Variants in FBXW4 observed in about 807,000 individuals in gnomAD.
FBXW4 encodes the protein F-box/WD repeat-containing protein 4.
A neutral mutation model predicts 61.8 loss-of-function variants in FBXW4; 40 were observed. The observed-to-expected ratio is 0.65, with a 90% CI of 0.50 to 0.84. The LOEUF is 0.84. Ranked by LOEUF, FBXW4 falls within the 40% of genes least tolerant of loss-of-function variation. The pLI is 0.00. For synonymous variants in FBXW4, 311 were observed against 313.8 expected, an observed-to-expected ratio of 0.99 and a Z score of 0.10; for missense variants, 672 against 753.8, an observed-to-expected ratio of 0.89 and a Z score of 1.27.
chr10:101,643,990 A>G (rs2064075554), intron 5 of FBXW4, among the ~76,000 whole-genome samples: 1 of 152,222 alleles, frequency 6.6e-6, no homozygotes. Flanking sequence ...CTGAAGTTTA[A>G]CAGGGGCTTT....
chr10:101,676,425 A>G lies in FBXW4; in HGVS notation c.737T>C (p.Val246Ala). 6.2e-7 allele frequency: 1 copy of G among 1,613,270 alleles called. No individual in the cohort carries two copies. Among genetic ancestry groups the G allele is most frequent in the South Asian group, 1.1e-5 (1 of 90,922 alleles). Residue 246 changes from valine to alanine, a missense_variant, in exon 2 of 9, where the codon GTC becomes GCC. By Grantham distance (64) the Val-to-Ala change is moderately conservative. Around this residue, in one of 5 missense-constraint regions of FBXW4, gnomAD observed 311 missense variants for 301.1 expected, o/e 1.03. Coordinates refer to ENST00000331272, the MANE Select transcript of FBXW4 (RefSeq NM_022039.4). ...CACCTTCACTCGTTCCTTCACTGGG[A>G]CACTGGTCATCCTATGTCCAGACAG... is the stretch of plus-strand genomic sequence containing the variant. ...TRLGTDLMTS[V>A]PVKERVKVSQ...
At chr10:101,658,493 C>T (rs1211728118) in intron 5 of FBXW4, among the ~76,000 whole-genome samples, 3 of 152,044 alleles carry the variant, frequency 2.0e-5, no homozygotes, top group Admixed American at 6.5e-5. Context: ...TGCAGTGAGC[C>T]GAGATCGCGC....
In FBXW4 at chr10:101,646,986, G is replaced by A. The variant is rs551227017; in HGVS notation, c.1235+20900C>T. Among the ~76,000 whole-genome samples the A allele has an allele frequency of 6.6e-5, 10 of 152,244 alleles. No individual in the cohort carries two copies. The East Asian group carries it at 1.9e-3, about 29-fold the overall frequency. On this transcript the variant is annotated intron_variant, in intron 5 of 8. Coordinates refer to ENST00000331272, the MANE Select transcript of FBXW4 (RefSeq NM_022039.4). The stretch of plus-strand genomic sequence containing the variant: ...TCGCCTGGCGGGGTGGGTGGTGGTG[G>A]TTAGGAATGGGGTGCAAGCATGGCT...
At position 101,611,581 on chromosome 10, in the gene FBXW4, AATC is replaced by A; in HGVS notation, c.1584+44_1584+46del. ...TCACCCTCTCCCAAATGCAGCCCAT[AATC>A]ATGAGTCCTGGCATGCTGGAGAAGA... On this transcript the variant is annotated intron_variant, in intron 8 of 8. Coordinates refer to ENST00000331272, the MANE Select transcript of FBXW4 (RefSeq NM_022039.4). This position sits in a 1 kb window ranked among gnomAD's most constrained non-coding sequence, Gnocchi z 4.9. The A allele has an allele frequency of 6.2e-7, 1 of 1,605,830 alleles. No homozygotes were observed. The highest frequency in any genetic ancestry group is 1.1e-5 in the South Asian group (1 of 90,464).
intron 4 of FBXW4, among the ~76,000 whole-genome samples, chr10:101,669,348 A>T (rs565931004): frequency 1.3e-5 from 2 of 152,320 alleles, no homozygotes; most frequent in African/African-American, 4.8e-5. Context: ...AGCCCAGCTA[A>T]AAAGACAGCT....
Position 101,694,454 on chromosome 10 carries a change from T to C in FBXW4, c.652A>G (p.Ser218Gly), listed in dbSNP as rs1341402253. 2 of 1,535,702 alleles carry C rather than the reference T, an allele frequency of 1.3e-6. No individual in the cohort carries two copies. The highest frequency in any genetic ancestry group is 1.7e-6 in the Non-Finnish European group (2 of 1,153,032). The change falls in exon 1 of 9, where the codon AGC becomes GGC. Residue 218 changes from serine (S) to glycine (G), a missense_variant. Transcript: ENST00000331272. This position sits in a 1 kb window ranked among gnomAD's most constrained non-coding sequence, Gnocchi z 6.0. ...QVCRWLRRFT[S>G]CDLLWRRIAR... Reference sequence around the variant, plus strand: ...ATCCGGCGCCAGAGCAGATCGCAGCTGGTGAAGCGCCGCAGCCAGCGGCAC... The same window carrying C: ...ATCCGGCGCCAGAGCAGATCGCAGCCGGTGAAGCGCCGCAGCCAGCGGCAC...
At chr10:101,644,071 G>C (rs2064076626) in intron 5 of FBXW4, among the ~76,000 whole-genome samples, 1 of 152,184 alleles carries the variant, frequency 6.6e-6, no homozygotes, top group African/African-American at 2.4e-5. Context: ...GGGGGCCTTT[G>C]TTCCCCCTAA....
rs1202724413 is a variant in FBXW4 at position 101,694,219 on chromosome 10, T to C, written c.725+162A>G. Among the ~76,000 whole-genome samples the C allele has an allele frequency of 2.7e-5, 4 of 150,662 alleles. No homozygotes were observed. The highest frequency in any genetic ancestry group is 4.4e-5 in the Non-Finnish European group (3 of 67,638). On this transcript the variant is annotated intron_variant, in intron 1 of 8. Coordinates refer to ENST00000331272, the MANE Select transcript of FBXW4 (RefSeq NM_022039.4). This position sits in a 1 kb window ranked among gnomAD's most constrained non-coding sequence, Gnocchi z 6.0. ...GCCTTGGGGAGGAGGGGCAAAGGGGTCCCCGAGAGTGCTCGGGAAAGGGTG... is the reference window on the plus strand; with the variant it reads ...GCCTTGGGGAGGAGGGGCAAAGGGGCCCCCGAGAGTGCTCGGGAAAGGGTG...
intron 5 of FBXW4, among the ~76,000 whole-genome samples, chr10:101,643,443 A>C (rs2064070735): frequency 6.6e-6 from 1 of 152,238 alleles, no homozygotes; most frequent in South Asian, 2.1e-4. Context: ...TCCTTTGCTG[A>C]GAAGGCACAC....
At chr10:101,667,846 T>C (rs1386852495) in intron 5 of FBXW4, 40 bp downstream of exon 5, 1 of 1,538,430 alleles carries the variant, frequency 6.5e-7, no homozygotes, top group African/African-American at 1.4e-5. Flanking sequence ...AAAAGCATTA[T>C]TATACAGGAC....
intron 3 of FBXW4, 35 bp downstream of exon 3, chr10:101,673,452 TG>T (rs1452654998): frequency 9.3e-6 from 15 of 1,609,954 alleles, no homozygotes; most frequent in African/African-American, 8.0e-5. Context: ...AAGTATAAGA[TG>T]GAAAAGGGTG....
Position 101,610,995 on chromosome 10 carries a change from G to A in FBXW4, c.*296C>T. 2 of 271,616 alleles carry A rather than the reference G, an allele frequency of 7.4e-6. No homozygotes were observed. The highest frequency in any genetic ancestry group is 1.1e-4 in the South Asian group (2 of 18,718). 16.8% of individuals were successfully genotyped at this position (271,616 alleles called of 1,614,324 possible). ...TGGCTCTAATAAGGGGTATAGGATGGGCCTCTCCAGGCCAGATCCTTGCTC... is the reference window on the plus strand; with the variant it reads ...TGGCTCTAATAAGGGGTATAGGATGAGCCTCTCCAGGCCAGATCCTTGCTC... On this transcript the variant is annotated 3_prime_UTR_variant, in exon 9 of 9. Transcript: ENST00000331272.
intron 1 of FBXW4, among the ~76,000 whole-genome samples, chr10:101,677,217 C>G (rs1183737321): frequency 1.3e-5 from 2 of 151,996 alleles, no homozygotes; most frequent in Non-Finnish European, 2.9e-5. Flanking sequence ...AAGACTTACA[C>G]AAGAATGTTC....
intron 1 of FBXW4, among the ~76,000 whole-genome samples, chr10:101,683,921 A>G (rs749161084): frequency 6.6e-6 from 1 of 152,220 alleles, no homozygotes; most frequent in Non-Finnish European, 1.5e-5. Context: ...AGGGGAAAAC[A>G]GGGTTACACA....
intron 5 of FBXW4, among the ~76,000 whole-genome samples, chr10:101,628,512 T>A (rs2063925004): frequency 6.6e-6 from 1 of 152,198 alleles, no homozygotes; most frequent in Non-Finnish European, 1.5e-5. Flanking sequence ...CAATAAAAAT[T>A]TGTGGAACTG....
intron 6 of FBXW4, among the ~76,000 whole-genome samples, chr10:101,617,856 AAG>A (rs1456852858): frequency 6.6e-6 from 1 of 152,240 alleles, no homozygotes; most frequent in East Asian, 1.9e-4. Flanking sequence ...GGGAGAAAGA[AAG>A]AAAGAAATTA....
At chr10:101,652,189 G>A (rs1281820934) in intron 5 of FBXW4, among the ~76,000 whole-genome samples, 5 of 151,524 alleles carry the variant, frequency 3.3e-5, no homozygotes, top group Non-Finnish European at 4.4e-5. Flanking sequence ...CCCAAAATCC[G>A]AGGACTTGAA....
chr10:101,666,892 A>C (rs2064306614), intron 5 of FBXW4, among the ~76,000 whole-genome samples: 1 of 151,492 alleles, frequency 6.6e-6, no homozygotes. Flanking sequence ...CCCCATTTCT[A>C]AAACAAAAAA....
In FBXW4 at chr10:101,694,727, C is replaced by T; in HGVS notation, c.379G>A (p.Ala127Thr). ...GGCCTGGCGCCCTCCCGCCGCCTAGCCCTGACCCTCCATTCCTCCTTCTTC... is the reference window on the plus strand; with the variant it reads ...GGCCTGGCGCCCTCCCGCCGCCTAGTCCTGACCCTCCATTCCTCCTTCTTC... ...YGKKEEWRVR[A>T]RRREGARPGR... The change falls in exon 1 of 9, where the codon GCT becomes ACT. Residue 127 changes from alanine to threonine, a missense_variant. Coordinates refer to ENST00000331272, the MANE Select transcript of FBXW4 (RefSeq NM_022039.4). The surrounding 1 kb of genome is among the most constrained non-coding windows in gnomAD (Gnocchi z 6.0). 1 of 1,373,214 alleles carries T rather than the reference C, an allele frequency of 7.3e-7. No individual in the cohort carries two copies. Among genetic ancestry groups the T allele is most frequent in the Middle Eastern group, 2.3e-4 (1 of 4,414 alleles). 85.1% of individuals were successfully genotyped at this position (1,373,214 alleles called of 1,614,324 possible). A position where few individuals can be genotyped will look rare whatever the true frequency, so the allele number is the denominator to read the frequency against.
Sources: gnomAD v4.1 joint callset for allele counts (sites outside exome capture counted in the v4.1 genomes callset) on GRCh38, gnomAD v4.1.1 for gene constraint, gnomAD v4.1.1 regional missense constraint, Gnocchi (gnomAD v3.1) non-coding constraint, MANE v1.5 for transcripts, NCBI Gene and HGNC (gene_info 2026-07-23, HGNC 2026-07-21) for gene names.